Variants in EFR3A observed in about 807,000 individuals in gnomAD.
The protein encoded by EFR3A is protein EFR3 homolog A.
A neutral mutation model predicts 104.4 loss-of-function variants in EFR3A; 76 were observed. The observed-to-expected ratio is 0.73, with a 90% CI of 0.60 to 0.88. The LOEUF is 0.88. EFR3A is among the 40% of genes least tolerant of loss of function. EFR3A has a pLI of 0.00. For synonymous variants in EFR3A, 330 were observed against 330.0 expected (o/e 1.00, Z 0.00); for missense variants, 985 against 1,012.5 (o/e 0.97, Z 0.37).
rs118075659 is a variant in EFR3A at position 131,954,948 on chromosome 8, A to G, written c.639-820A>G. On this transcript the variant is annotated intron_variant, in intron 6 of 22. Transcript: ENST00000254624. Reference sequence around the variant, plus strand: ...AGAAAGGATTCATGCTTAATTCCTTAGATGTGACTGTCTCCAGCTTTGGGA... The same window carrying G: ...AGAAAGGATTCATGCTTAATTCCTTGGATGTGACTGTCTCCAGCTTTGGGA... 2.8e-4 allele frequency among the ~76,000 whole-genome samples: 42 copies of G among 152,266 alleles called. 1 individual carries two copies. In the East Asian group the frequency reaches 7.9e-3, roughly 29 times the overall value.
At chr8:131,910,681 C>CAG (rs1816473551) in intron 1 of EFR3A, among the ~76,000 whole-genome samples, 1 of 152,190 alleles carries the variant, frequency 6.6e-6, no homozygotes. Context: ...TTTCGCAGGG[C>CAG]AGAGGCCCTT....
At chr8:131,995,613 AATTTAGTG>A (rs1253900656) in intron 18 of EFR3A, among the ~76,000 whole-genome samples, 1 of 152,206 alleles carries the variant, frequency 6.6e-6, no homozygotes, top group African/African-American at 2.4e-5. Flanking sequence ...ATAGCTTTTG[AATTTAGTG>A]ATTTGGAAGA....
At chr8:131,931,234 A>G (rs935084220) in intron 1 of EFR3A, among the ~76,000 whole-genome samples, 2 of 152,146 alleles carry the variant, frequency 1.3e-5, no homozygotes, top group Non-Finnish European at 2.9e-5. Flanking sequence ...GAAGCATTGT[A>G]CTATGGAAAC....
At chr8:131,952,745 A>G (rs1818771846) in intron 5 of EFR3A, among the ~76,000 whole-genome samples, 1 of 151,798 alleles carries the variant, frequency 6.6e-6, no homozygotes, top group Non-Finnish European at 1.5e-5. Flanking sequence ...CTTCCAATTC[A>G]TTTTTCTCAC....
intron 4 of EFR3A, among the ~76,000 whole-genome samples, chr8:131,947,572 G>C (rs900392860): frequency 4.0e-5 from 6 of 151,446 alleles, no homozygotes; most frequent in East Asian, 3.9e-4. Context: ...TGTGTGTTTG[G>C]GGGGTGGTGG....
At chr8:131,917,810 T>C (rs1048707284) in intron 1 of EFR3A, among the ~76,000 whole-genome samples, 13 of 152,174 alleles carry the variant, frequency 8.5e-5, no homozygotes, top group African/African-American at 3.1e-4. Flanking sequence ...GTAACCCTTA[T>C]CTTTGAACTT....
intron 1 of EFR3A, among the ~76,000 whole-genome samples, chr8:131,930,805 A>G (rs1817559455): frequency 1.3e-5 from 2 of 151,966 alleles, no homozygotes; most frequent in Admixed American, 1.3e-4. Flanking sequence ...ATGTCATAGC[A>G]TTCATTATTT....
Position 131,968,441 on chromosome 8 carries a change from A to G in EFR3A, c.991+11A>G, listed in dbSNP as rs757322556. 3.1e-6 allele frequency: 5 copies of G among 1,612,860 alleles called. No individual in the cohort carries two copies. Among genetic ancestry groups the G allele is most frequent in the Admixed American group, 3.3e-5 (2 of 59,924 alleles). ...CTAAAGGTTCCATAGGTGAGTGCCA[A>G]TAAATAAAATAAAATAGTGCGTTGA... On this transcript the variant is annotated intron_variant, in intron 9 of 22. Coordinates refer to ENST00000254624, the MANE Select transcript of EFR3A (RefSeq NM_015137.6).
chr8:131,944,665 A>G, intron 2 of EFR3A, 80 bp from the exon 3 acceptor site: 1 of 1,375,176 alleles, frequency 7.3e-7, no homozygotes, highest in Non-Finnish European at 9.7e-7. Context: ...CCAGAAAGGG[A>G]AATTGTAAAG....
At chr8:131,989,353 C>T (rs1821048767) in intron 18 of EFR3A, among the ~76,000 whole-genome samples, 1 of 152,140 alleles carries the variant, frequency 6.6e-6, no homozygotes, top group African/African-American at 2.4e-5. Context: ...TGTTGTGTGT[C>T]ATGTAGTACC....
Position 131,984,961 on chromosome 8 carries a change from A to G in EFR3A, c.1770A>G (p.Pro590=). 1 of 1,613,554 alleles carries G rather than the reference A, an allele frequency of 6.2e-7. No homozygotes were observed. ...DSAIINEDNL[P]MFHRCGIMAL... ...CAATTATCAATGAGGATAATTTGCC[A>G]ATGTTCCATCGTTGTGGAATCATGG... The change falls in exon 16 of 23, where the codon CCA becomes CCG. Residue 590 remains proline (P), a synonymous_variant. Coordinates refer to ENST00000254624, the MANE Select transcript of EFR3A (RefSeq NM_015137.6).
intron 1 of EFR3A, chr8:131,935,552 G>T: frequency 2.3e-6 from 1 of 432,074 alleles, no homozygotes; most frequent in Non-Finnish European, 4.6e-6. Context: ...TTTCTATTAT[G>T]TTACATGTGA....
At position 131,904,322 on chromosome 8, in the gene EFR3A, C is replaced by A. The variant is rs1331789061; in HGVS notation, c.10C>A (p.Arg4=). 2.4e-6 allele frequency: 3 copies of A among 1,256,596 alleles called. No homozygotes were observed. Among genetic ancestry groups the A allele is most frequent in the Non-Finnish European group, 3.0e-6 (3 of 999,734 alleles). 77.8% of individuals were successfully genotyped at this position (1,256,596 alleles called of 1,614,324 possible). MPT[R]VCCCCSALRP... ...CGCGGTCGAGATCGCCATGCCTACC[C>A]GTGAGTGGCCGGCCGAGGGCCGGGG... Residue 4 remains arginine, a splice_region_variant and synonymous_variant, in exon 1 of 23, where the codon CGA becomes AGA. Coordinates refer to ENST00000254624, the MANE Select transcript of EFR3A (RefSeq NM_015137.6).
intron 13 of EFR3A, 50 bp downstream of exon 13, chr8:131,979,069 A>G: frequency 6.7e-7 from 1 of 1,500,054 alleles, no homozygotes; most frequent in Non-Finnish European, 9.0e-7. Context: ...TTAAATTGCT[A>G]AATTAGTGTA....
At chr8:131,975,711 C>G (rs1586636423) in intron 10 of EFR3A, among the ~76,000 whole-genome samples, 1 of 152,052 alleles carries the variant, frequency 6.6e-6, no homozygotes, top group African/African-American at 2.4e-5. Context: ...CCACTACACC[C>G]GGCCAATATT....
At chr8:131,994,840 G>A (rs1017823659) in intron 18 of EFR3A, among the ~76,000 whole-genome samples, 2 of 152,138 alleles carry the variant, frequency 1.3e-5, no homozygotes, top group Non-Finnish European at 2.9e-5. Context: ...AGTCACACAA[G>A]TATTTATGGA....
At chr8:131,975,903 G>T in intron 10 of EFR3A, 124 bp from the exon 11 acceptor site, 6 of 623,270 alleles carry the variant, frequency 9.6e-6, no homozygotes, top group Non-Finnish European at 1.7e-5. Flanking sequence ...AATGTTACAT[G>T]TAGCTTACAG....
intron 1 of EFR3A, among the ~76,000 whole-genome samples, chr8:131,921,357 G>C (rs1038389137): frequency 2.0e-5 from 3 of 151,964 alleles, no homozygotes; most frequent in Admixed American, 6.6e-5. Flanking sequence ...AATACTAGTC[G>C]TATTGGATTA....
rs542439991 is a variant in EFR3A at position 131,945,415 on chromosome 8, A to G, written c.215+543A>G. On this transcript the variant is annotated intron_variant, in intron 3 of 22. Coordinates refer to ENST00000254624, the MANE Select transcript of EFR3A (RefSeq NM_015137.6). Reference sequence around the variant, plus strand: ...CCATCCTACTGTATTCTCTGTGCTCAAACAATAATAACTTTGCAATTTGGA... The same window carrying G: ...CCATCCTACTGTATTCTCTGTGCTCGAACAATAATAACTTTGCAATTTGGA... 1.8e-3 allele frequency among the ~76,000 whole-genome samples: 277 copies of G among 152,106 alleles called. 2 individuals are homozygous for G. The highest frequency in any genetic ancestry group is 6.5e-3 in the African/African-American group (269 of 41,536).
Sources: allele counts gnomAD v4.1 joint callset (sites outside exome capture counted in the v4.1 genomes callset), GRCh38; gene constraint gnomAD v4.1.1; transcripts MANE v1.5; gene names NCBI Gene and HGNC (gene_info 2026-07-23, HGNC 2026-07-21).